Variants in GSTCD observed in about 807,000 individuals in gnomAD.
GSTCD encodes the protein glutathione S-transferase C-terminal domain-containing protein.
In GSTCD, 44 loss-of-function variants were observed where a neutral mutation model predicts 68.3. The ratio of observed to expected loss-of-function variants is 0.64; its 90% CI spans 0.51 to 0.83. The LOEUF (loss-of-function observed/expected upper bound fraction) is 0.83, where lower values mean the gene tolerates loss of function less well. GSTCD is among the 40% of genes least tolerant of loss of function. The pLI is 0.00. For missense variants in GSTCD, 739 were observed against 735.9 expected, an observed-to-expected ratio of 1.00 and a Z score of -0.05; for synonymous variants, 273 against 255.2, an observed-to-expected ratio of 1.07 and a Z score of -0.67.
intron 5 of GSTCD, among the ~76,000 whole-genome samples, chr4:105,772,430 G>T (rs927971611): frequency 1.3e-5 from 2 of 152,084 alleles, no homozygotes; most frequent in Non-Finnish European, 2.9e-5. Flanking sequence ...GGAGATCCTT[G>T]TGCCAGTTTT....
Position 105,822,960 on chromosome 4 carries a change from T to C in GSTCD, c.1247T>C (p.Met416Thr). Reference sequence around the variant, plus strand: ...CATTTCTTGTCTTTCTCAGGTAAAATGTCCAGTGATCGAGCTTTGAGGAAG... The same window carrying C: ...CATTTCTTGTCTTTCTCAGGTAAAACGTCCAGTGATCGAGCTTTGAGGAAG... ...PAAVSPKEGKMSSDRALRKQQ... is the reference protein window; with the variant it reads ...PAAVSPKEGKTSSDRALRKQQ... Residue 416 changes from methionine (M) to threonine (T), a missense_variant, in exon 6 of 12, where the codon ATG (methionine) becomes ACG (threonine). Physicochemically the swap from Met to Thr is moderately conservative, Grantham distance 81 (BLOSUM62 -1). Coordinates refer to ENST00000515279, the MANE Select transcript of GSTCD (RefSeq NM_001370181.1). 1 of 1,610,986 alleles carries C rather than the reference T, an allele frequency of 6.2e-7. No individual in the cohort carries two copies. Among genetic ancestry groups the C allele is most frequent in the South Asian group, 1.1e-5 (1 of 90,638 alleles).
intron 3 of GSTCD, among the ~76,000 whole-genome samples, chr4:105,720,424 T>C (rs1187338225): frequency 6.6e-6 from 1 of 152,212 alleles, no homozygotes; most frequent in African/African-American, 2.4e-5. Flanking sequence ...TCACCAACAA[T>C]TCAGGTATCT....
In GSTCD at chr4:105,767,397, C is replaced by T. The variant is rs912008415; in HGVS notation, c.1240+37898C>T. Among the ~76,000 whole-genome samples the T allele has an allele frequency of 2.0e-5, 3 of 151,906 alleles. No homozygotes were observed. In the East Asian group the frequency reaches 5.8e-4, roughly 29 times the overall value. On this transcript the variant is annotated intron_variant, in intron 5 of 11. Coordinates refer to ENST00000515279, the MANE Select transcript of GSTCD (RefSeq NM_001370181.1). ...TAAGGTTAAACTTAATTTAAACAAC[C>T]AATTTTACTGACTTTTATCTACATT... is the stretch of plus-strand genomic sequence containing the variant.
chr4:105,769,233 GCACACACACACACACA>G (rs57039503), intron 5 of GSTCD, among the ~76,000 whole-genome samples: 9 of 146,336 alleles, frequency 6.2e-5, no homozygotes, highest in Admixed American at 2.7e-4. Flanking sequence ...ATACACGCGC[GCACACACACACACACA>G]CACACACACA....
At chr4:105,732,609 C>CT (rs1006582156) in intron 5 of GSTCD, among the ~76,000 whole-genome samples, 32 of 152,186 alleles carry the variant, frequency 2.1e-4, no homozygotes, top group African/African-American at 7.5e-4. Flanking sequence ...TGCCAGCAGT[C>CT]TATCAATTTT....
At chr4:105,807,912 C>A (rs1224035341) in intron 5 of GSTCD, among the ~76,000 whole-genome samples, 1 of 152,094 alleles carries the variant, frequency 6.6e-6, no homozygotes, top group Non-Finnish European at 1.5e-5. Context: ...GATTTCTATG[C>A]AAATCAGTTA....
chr4:105,793,010 G>T (rs772603848), intron 5 of GSTCD, among the ~76,000 whole-genome samples: 1 of 151,930 alleles, frequency 6.6e-6, no homozygotes, highest in Non-Finnish European at 1.5e-5. Flanking sequence ...AATAAAATCT[G>T]TAATCTTAAT....
intron 5 of GSTCD, among the ~76,000 whole-genome samples, chr4:105,802,216 T>A (rs1336863135): frequency 6.6e-6 from 1 of 152,138 alleles, no homozygotes; most frequent in African/African-American, 2.4e-5. Context: ...CTCTAAATAC[T>A]TGAATATGTT....
chr4:105,715,381 A>T (rs750884184), intron 1 of GSTCD, among the ~76,000 whole-genome samples: 2 of 152,178 alleles, frequency 1.3e-5, no homozygotes, highest in African/African-American at 4.8e-5. Flanking sequence ...AAAAATTTTT[A>T]AAAAATAAGC....
chr4:105,763,433 G>A (rs1411284112), intron 5 of GSTCD, among the ~76,000 whole-genome samples: 1 of 152,088 alleles, frequency 6.6e-6, no homozygotes, highest in East Asian at 1.9e-4. Flanking sequence ...ATGAACTGCT[G>A]TCATCCCATT....
At chr4:105,709,088 G>C (rs910048169) in intron 1 of GSTCD, 72 bp downstream of exon 1, 2 of 152,442 alleles carry the variant, frequency 1.3e-5, no homozygotes, top group Non-Finnish European at 2.9e-5. Flanking sequence ...TTCTTCGGGG[G>C]TCTGCAGGGC....
chr4:105,818,834 A>G lies in GSTCD; in HGVS notation c.1241-4120A>G, dbSNP rs531328946. On this transcript the variant is annotated intron_variant, in intron 5 of 11. Transcript: ENST00000515279. ...GAACACCAGGGTTCAAAATGGTTTAATGAGTTCAATTGATTCCATTTTATT... is the reference window on the plus strand; with the variant it reads ...GAACACCAGGGTTCAAAATGGTTTAGTGAGTTCAATTGATTCCATTTTATT... Among the ~76,000 whole-genome samples the G allele has an allele frequency of 2.0e-5, 3 of 151,858 alleles. No individual in the cohort carries two copies. The South Asian group carries it at 6.2e-4, about 31-fold the overall frequency.
intron 5 of GSTCD, among the ~76,000 whole-genome samples, chr4:105,778,883 ATTTCTCTCCT>A (rs1415194696): frequency 7.9e-5 from 12 of 151,884 alleles, no homozygotes; most frequent in African/African-American, 2.9e-4. Flanking sequence ...TCTTTACTTT[ATTTCTCTCCT>A]TTTCTCTCTC....
chr4:105,770,627 G>T (rs564849743), intron 5 of GSTCD, among the ~76,000 whole-genome samples: 1 of 152,156 alleles, frequency 6.6e-6, no homozygotes, highest in South Asian at 2.1e-4. Context: ...GCAGTGTTTG[G>T]TTTTCTGTCC....
At chr4:105,768,734 G>A (rs1402254928) in intron 5 of GSTCD, among the ~76,000 whole-genome samples, 1 of 151,476 alleles carries the variant, frequency 6.6e-6, no homozygotes, top group East Asian at 1.9e-4. Context: ...AAATGTTAAC[G>A]TGGTTAATTT....
At chr4:105,713,917 AT>A (rs1732610017) in intron 1 of GSTCD, among the ~76,000 whole-genome samples, 1 of 151,064 alleles carries the variant, frequency 6.6e-6, no homozygotes, top group Non-Finnish European at 1.5e-5. Context: ...TTCAAGCTTT[AT>A]TTTTTCTGGA....
chr4:105,720,290 C>T (rs984035667), intron 3 of GSTCD, among the ~76,000 whole-genome samples: 1 of 152,186 alleles, frequency 6.6e-6, no homozygotes, highest in Non-Finnish European at 1.5e-5. Context: ...TAGCTCTCTG[C>T]AGCCTTCCAA....
chr4:105,828,409 G>A (rs1723750336), intron 8 of GSTCD, among the ~76,000 whole-genome samples: 1 of 152,110 alleles, frequency 6.6e-6, no homozygotes, highest in Non-Finnish European at 1.5e-5. Context: ...TAAGGACCTT[G>A]AGAAATTATA....
chr4:105,824,179 A>G (rs935491680), intron 7 of GSTCD, among the ~76,000 whole-genome samples: 6 of 152,200 alleles, frequency 3.9e-5, no homozygotes, highest in African/African-American at 1.4e-4. Context: ...CCAGAATAAC[A>G]TGTAACAGAA....
Sources: allele counts gnomAD v4.1 joint callset (sites outside exome capture counted in the v4.1 genomes callset), GRCh38; gene constraint gnomAD v4.1.1; transcripts MANE v1.5; gene names NCBI Gene and HGNC (gene_info 2026-07-23, HGNC 2026-07-21).